TIMMDC1: variants seen among roughly 807,000 people sequenced by gnomAD.
The protein encoded by TIMMDC1 is complex I assembly factor TIMMDC1, mitochondrial.
TIMMDC1 carries 25 observed loss-of-function variants against 32.6 expected under a neutral mutation model. The observed-to-expected ratio is 0.77, with a 90% CI of 0.56 to 1.07. The LOEUF (loss-of-function observed/expected upper bound fraction) is 1.07, where lower values mean the gene tolerates loss of function less well. TIMMDC1 is among the 50% of genes least tolerant of loss of function. The pLI is 0.00. For synonymous variants in TIMMDC1, 130 were observed against 127.6 expected, an observed-to-expected ratio of 1.02 and a Z score of -0.13; for missense variants, 329 against 349.2, an observed-to-expected ratio of 0.94 and a Z score of 0.46.
At chr3:119,520,513 A>G (rs2082019044) in intron 6 of TIMMDC1, among the ~76,000 whole-genome samples, 1 of 152,212 alleles carries the variant, frequency 6.6e-6, no homozygotes, top group Non-Finnish European at 1.5e-5. Context: ...CTGAGCCCCT[A>G]TAATCTATCG....
intron 4 of TIMMDC1, among the ~76,000 whole-genome samples, chr3:119,505,783 C>T (rs2081915079): frequency 6.6e-6 from 1 of 152,236 alleles, no homozygotes; most frequent in African/African-American, 2.4e-5. Context: ...CCATTGTTAA[C>T]AATTCATGCT....
At chr3:119,503,100 A>T (rs143716662) in intron 2 of TIMMDC1, among the ~76,000 whole-genome samples, 262 of 152,338 alleles carry the variant, frequency 1.7e-3, no homozygotes, top group African/African-American at 6.0e-3. Flanking sequence ...CAGGTTGAGC[A>T]GCACAAATCT....
intron 4 of TIMMDC1, among the ~76,000 whole-genome samples, chr3:119,510,805 A>G (rs2081947659): frequency 1.3e-5 from 2 of 152,356 alleles, no homozygotes; most frequent in South Asian, 4.1e-4. Flanking sequence ...GGGAAAATAT[A>G]GAAGTAAATG....
intron 4 of TIMMDC1, among the ~76,000 whole-genome samples, chr3:119,504,773 T>C: frequency 6.6e-6 from 1 of 152,150 alleles, no homozygotes; most frequent in East Asian, 1.9e-4. Flanking sequence ...TATTGTATAC[T>C]TCAAAATTGC....
intron 1 of TIMMDC1, 73 bp downstream of exon 1, chr3:119,499,000 T>A (rs1022334604): frequency 7.1e-7 from 1 of 1,413,104 alleles, no homozygotes; most frequent in South Asian, 1.2e-5. Context: ...GCAGCCTGGG[T>A]CAGCCTTAGG....
Position 119,523,738 on chromosome 3 carries a change from T to C in TIMMDC1, c.840T>C (p.Asp280=), listed in dbSNP as rs1442195268. 1 of 1,608,576 alleles carries C rather than the reference T, an allele frequency of 6.2e-7. No individual in the cohort carries two copies. Among genetic ancestry groups the C allele is most frequent in the Non-Finnish European group, 8.5e-7 (1 of 1,177,938 alleles). ...LNLPRNPSVI[D]KQDKD ...TTCCTAGAAACCCTTCAGTAATAGA[T>C]AAACAAGACAAGGACTGAAAGTGCT... Residue 280 remains aspartate (D), a synonymous_variant, in exon 7 of 7, where the codon GAT becomes GAC. Transcript: ENST00000494664.
chr3:119,523,827 G>A lies in TIMMDC1; in HGVS notation c.*71G>A. ...CATGTCCGATGAATGCCAACAGACA[G>A]GCCACTCTTTGGTCAGCCTGCTGAC... is the stretch of plus-strand genomic sequence containing the variant. On this transcript the variant is annotated 3_prime_UTR_variant, in exon 7 of 7. Transcript: ENST00000494664. The A allele has an allele frequency of 7.1e-7, 1 of 1,410,900 alleles. No homozygotes were observed. 87.4% of individuals were successfully genotyped at this position (1,410,900 alleles called of 1,614,324 possible).
chr3:119,520,701 G>A (rs1462761502), intron 6 of TIMMDC1, among the ~76,000 whole-genome samples: 1 of 152,132 alleles, frequency 6.6e-6, no homozygotes, highest in Non-Finnish European at 1.5e-5. Context: ...CCGAAATATT[G>A]AAGATGAGAG....
At chr3:119,505,724 TAAA>T (rs1404030471) in intron 4 of TIMMDC1, among the ~76,000 whole-genome samples, 1 of 152,110 alleles carries the variant, frequency 6.6e-6, no homozygotes, top group African/African-American at 2.4e-5. Flanking sequence ...GATTGCAAAA[TAAA>T]AATAATACAA....
intron 1 of TIMMDC1, 158 bp downstream of exon 1, chr3:119,499,085 TTTC>T: frequency 1.7e-6 from 1 of 605,948 alleles, no homozygotes; most frequent in South Asian, 2.2e-5. Flanking sequence ...TTGTATCTTT[TTTC>T]TTTCTTTTTT....
chr3:119,510,773 T>TA (rs1048993270), intron 4 of TIMMDC1, among the ~76,000 whole-genome samples: 8 of 152,174 alleles, frequency 5.3e-5, no homozygotes, highest in Non-Finnish European at 1.2e-4. Flanking sequence ...GGTGCTTATG[T>TA]AAAAAAATCC....
At chr3:119,501,103 A>C (rs2081871352) in intron 2 of TIMMDC1, among the ~76,000 whole-genome samples, 1 of 152,216 alleles carries the variant, frequency 6.6e-6, no homozygotes, top group Non-Finnish European at 1.5e-5. Flanking sequence ...TTTCTTTCTC[A>C]AATACATTTC....
At chr3:119,515,828 G>A (rs928415710) in intron 5 of TIMMDC1, among the ~76,000 whole-genome samples, 1 of 152,218 alleles carries the variant, frequency 6.6e-6, no homozygotes, top group African/African-American at 2.4e-5. Context: ...ATGTTGATAA[G>A]CTAGTTCTGT....
intron 6 of TIMMDC1, among the ~76,000 whole-genome samples, chr3:119,521,408 G>T (rs2082026097): frequency 1.3e-5 from 2 of 152,160 alleles, no homozygotes; most frequent in Admixed American, 1.3e-4. Flanking sequence ...TACAAAAATT[G>T]TCATGGTGCA....
chr3:119,498,805 T>C lies in TIMMDC1; in HGVS notation c.72T>C (p.Ala24=), dbSNP rs747630246. 5.6e-6 allele frequency: 9 copies of C among 1,614,220 alleles called. No individual in the cohort carries two copies. In the South Asian group the frequency reaches 6.6e-5, roughly 12 times the overall value. ...TGTGCCTATTTCCCCGAGTCTTTGC[T>C]GCCGAAGCTGTGACTGCCGATTCGG... ...RALCLFPRVF[A]AEAVTADSEV... Residue 24 remains alanine (A), a synonymous_variant, in exon 1 of 7, where the codon GCT becomes GCC. Coordinates refer to ENST00000494664, the MANE Select transcript of TIMMDC1 (RefSeq NM_016589.4).
chr3:119,500,626 T>G lies in TIMMDC1; in HGVS notation c.195-69T>G, dbSNP rs184938831. The G allele has an allele frequency of 1.3e-3, 1,814 of 1,421,334 alleles. 47 individuals carry two copies. The Admixed American group carries it at 0.034, about 27-fold the overall frequency. The allele number at this position is 1,421,334 out of a possible 1,614,324, so 88.0% of individuals were successfully genotyped here. A position where few individuals can be genotyped will look rare whatever the true frequency, so the allele number is the denominator to read the frequency against. On this transcript the variant is annotated intron_variant, in intron 1 of 6. Transcript: ENST00000494664. ...GTGGTAGCATTTGGGTTAATTCTGA[T>G]TATAGAGTCTCTTGGAGAGCAATGT...
At chr3:119,515,812 T>C (rs946227802) in intron 5 of TIMMDC1, among the ~76,000 whole-genome samples, 6 of 152,222 alleles carry the variant, frequency 3.9e-5, no homozygotes, top group Non-Finnish European at 7.3e-5. Context: ...AGAAAGGTGG[T>C]TGTAAATGTT....
chr3:119,514,275 GC>G (rs1445311898), intron 5 of TIMMDC1, among the ~76,000 whole-genome samples: 6 of 152,102 alleles, frequency 3.9e-5, no homozygotes, highest in African/African-American at 1.4e-4. Context: ...AGTTGTTAAC[GC>G]CTTGGTGATA....
In TIMMDC1 at chr3:119,523,716, C is replaced by T. The variant is rs1161685581; in HGVS notation, c.818C>T (p.Pro273Leu). ...AKKIEALLNLPRNPSVIDKQD... is the reference protein window; with the variant it reads ...AKKIEALLNLLRNPSVIDKQD... ...AAAATTGAAGCACTGCTAAACCTTC[C>T]TAGAAACCCTTCAGTAATAGATAAA... Residue 273 changes from proline (P) to leucine (L), a missense_variant, in exon 7 of 7, where the codon CCT (proline) becomes CTT (leucine). By Grantham distance (98) the Pro-to-Leu change is moderately conservative. Coordinates refer to ENST00000494664, the MANE Select transcript of TIMMDC1 (RefSeq NM_016589.4). 6.2e-6 allele frequency: 10 copies of T among 1,612,214 alleles called. No individual in the cohort carries two copies. The highest frequency in any genetic ancestry group is 8.5e-6 in the Non-Finnish European group (10 of 1,179,266).
Sources: allele counts gnomAD v4.1 joint callset (sites outside exome capture counted in the v4.1 genomes callset), GRCh38; gene constraint gnomAD v4.1.1; transcripts MANE v1.5; gene names NCBI Gene and HGNC (gene_info 2026-07-23, HGNC 2026-07-21).